Variants in RORA observed in about 807,000 individuals in gnomAD.
The protein encoded by RORA is RAR related orphan receptor A.
Under a neutral mutation model 69.5 loss-of-function variants are expected in RORA, and 7 were observed. That is an observed-to-expected ratio of 0.10 (90% CI 0.06 to 0.19). The LOEUF (loss-of-function observed/expected upper bound fraction) is 0.19, where lower values mean the gene tolerates loss of function less well. RORA is among the 10% of genes least tolerant of loss of function. RORA has a pLI of 1.00. For synonymous variants in RORA, 261 were observed against 240.8 expected (o/e 1.08, Z -0.78); for missense variants, 457 against 663.0 (o/e 0.69, Z 3.41).
intron 2 of RORA, among the ~76,000 whole-genome samples, chr15:60,675,286 C>A (rs1219859603): frequency 2.0e-5 from 3 of 152,188 alleles, no homozygotes; most frequent in Admixed American, 2.0e-4. Context: ...CCAGAACAAA[C>A]TTGTGAAACA....
chr15:60,692,786 T>A (rs2070847954), intron 1 of RORA, among the ~76,000 whole-genome samples: 1 of 152,110 alleles, frequency 6.6e-6, no homozygotes, highest in South Asian at 2.1e-4. Flanking sequence ...AAAAAGAGGT[T>A]CAATCTCTCT....
chr15:61,220,428 CT>C (rs2140946721), intron 1 of RORA, among the ~76,000 whole-genome samples: 1 of 152,264 alleles, frequency 6.6e-6, no homozygotes, highest in Non-Finnish European at 1.5e-5. Context: ...AGGTTTTAGA[CT>C]TGCTAAATAT....
chr15:60,842,115 A>G (rs2073207040), intron 1 of RORA, among the ~76,000 whole-genome samples: 2 of 151,498 alleles, frequency 1.3e-5, no homozygotes, highest in Admixed American at 6.6e-5. Context: ...CTTCCTTTCT[A>G]AAGTTCACGA....
intron 1 of RORA, among the ~76,000 whole-genome samples, chr15:60,845,561 T>A (rs924613667): frequency 6.6e-6 from 1 of 152,186 alleles, no homozygotes; most frequent in African/African-American, 2.4e-5. Context: ...TGCTACTGAA[T>A]CTCAGCTCTG....
intron 1 of RORA, among the ~76,000 whole-genome samples, chr15:61,081,957 A>G (rs567675497): frequency 1.9e-3 from 291 of 152,348 alleles, no homozygotes; most frequent in Non-Finnish European, 3.3e-3. Flanking sequence ...AATTCTAGAA[A>G]GCTGGGAAAC....
rs1010040328 is a variant in RORA at position 60,678,371 on chromosome 15, A to C, written c.196+286T>G. On this transcript the variant is annotated intron_variant, in intron 2 of 10. Transcript: ENST00000335670. ...GGATCTAGGATAAGGGTGATCAGTA[A>C]GTAATTGATCCTCCTGGCTAGATTT... is the stretch of plus-strand genomic sequence containing the variant. 1.7e-4 allele frequency: 55 copies of C among 330,786 alleles called. 1 individual carries two copies. The South Asian group carries it at 2.6e-3, about 16-fold the overall frequency. The allele number at this position is 330,786 out of a possible 1,614,324, so 20.5% of individuals were successfully genotyped here. A position where few individuals can be genotyped will look rare whatever the true frequency, so the allele number is the denominator to read the frequency against.
chr15:60,995,593 G>A (rs976247843), intron 1 of RORA, among the ~76,000 whole-genome samples: 3 of 152,160 alleles, frequency 2.0e-5, no homozygotes, highest in African/African-American at 4.8e-5. Flanking sequence ...GTCCCCAGAC[G>A]TTTGAGCACA....
At chr15:61,195,347 G>C (rs988240321) in intron 1 of RORA, among the ~76,000 whole-genome samples, 1 of 151,714 alleles carries the variant, frequency 6.6e-6, no homozygotes, top group Non-Finnish European at 1.5e-5. Flanking sequence ...TCATGGGTTC[G>C]CTCTTCCCAG....
intron 1 of RORA, among the ~76,000 whole-genome samples, chr15:60,895,704 T>G (rs1337293423): frequency 6.6e-6 from 1 of 152,216 alleles, no homozygotes; most frequent in Non-Finnish European, 1.5e-5. Flanking sequence ...TTTACAGGCA[T>G]GGAGTGCATG....
chr15:60,571,713 C>T (rs930085423), intron 2 of RORA, among the ~76,000 whole-genome samples: 3 of 152,300 alleles, frequency 2.0e-5, no homozygotes, highest in African/African-American at 7.2e-5. Context: ...CACTAGATGA[C>T]TGCTAAGGTC....
chr15:61,052,815 A>G (rs2078032705), intron 1 of RORA, among the ~76,000 whole-genome samples: 1 of 152,234 alleles, frequency 6.6e-6, no homozygotes, highest in South Asian at 2.1e-4. Context: ...CGCGAAGATG[A>G]AAACTTCAGC....
intron 1 of RORA, among the ~76,000 whole-genome samples, chr15:61,204,791 G>C (rs1367943681): frequency 2.6e-5 from 4 of 152,232 alleles, no homozygotes; most frequent in Non-Finnish European, 5.9e-5. Context: ...GAGAGAGCGA[G>C]CAAGAGAAAT....
intron 1 of RORA, among the ~76,000 whole-genome samples, chr15:61,183,497 T>G (rs1295048880): frequency 2.1e-5 from 3 of 146,216 alleles, no homozygotes; most frequent in East Asian, 2.0e-4. Context: ...ATCACACCAT[T>G]GCACTCTAGC....
At chr15:60,970,620 T>G (rs185890988) in intron 1 of RORA, among the ~76,000 whole-genome samples, 1 of 152,350 alleles carries the variant, frequency 6.6e-6, no homozygotes, top group East Asian at 1.9e-4. Flanking sequence ...TTTCACAGCA[T>G]TGGGCTGCTG....
chr15:60,986,642 G>A (rs907444172), intron 1 of RORA, among the ~76,000 whole-genome samples: 1 of 152,196 alleles, frequency 6.6e-6, no homozygotes, highest in African/African-American at 2.4e-5. Flanking sequence ...CAAGTTCACA[G>A]TGCCCAGACA....
chr15:60,545,466 C>G (rs2067039089), intron 2 of RORA, among the ~76,000 whole-genome samples: 1 of 152,178 alleles, frequency 6.6e-6, no homozygotes, highest in Non-Finnish European at 1.5e-5. Context: ...TTCTTGGAAT[C>G]AGCTTTTTGA....
chr15:60,570,773 T>C lies in RORA; in HGVS notation c.197-38922A>G, dbSNP rs144491578. Reference sequence around the variant, plus strand: ...CAATTAGAGGGTCACAGTACAGTAGTTGGAGCACTAGACTGAGAGTCAAGA... The same window carrying C: ...CAATTAGAGGGTCACAGTACAGTAGCTGGAGCACTAGACTGAGAGTCAAGA... On this transcript the variant is annotated intron_variant, in intron 2 of 10. Coordinates refer to ENST00000335670, the MANE Select transcript of RORA (RefSeq NM_134261.3). Among the ~76,000 whole-genome samples the C allele has an allele frequency of 1.5e-4, 23 of 152,264 alleles. No homozygotes were observed. The East Asian group carries it at 4.4e-3, about 29-fold the overall frequency.
chr15:61,183,253 T>C (rs2079705308), intron 1 of RORA, among the ~76,000 whole-genome samples: 1 of 152,188 alleles, frequency 6.6e-6, no homozygotes, highest in Non-Finnish European at 1.5e-5. Flanking sequence ...TTAAAAAATG[T>C]GGCCAGGCAT....
At chr15:61,190,013 A>G (rs186348153) in intron 1 of RORA, among the ~76,000 whole-genome samples, 2 of 152,126 alleles carry the variant, frequency 1.3e-5, no homozygotes, top group Non-Finnish European at 2.9e-5. Flanking sequence ...GAAATTTTGC[A>G]ATTTTTAATA....
Sources: gnomAD v4.1 joint callset for allele counts (sites outside exome capture counted in the v4.1 genomes callset) on GRCh38, gnomAD v4.1.1 for gene constraint, MANE v1.5 for transcripts, NCBI Gene and HGNC (gene_info 2026-07-23, HGNC 2026-07-21) for gene names.